Variants in FRMD4B observed in about 807,000 individuals in gnomAD.
FRMD4B encodes FERM domain-containing protein 4B.
In FRMD4B, 74 loss-of-function variants were observed where a neutral mutation model predicts 141.5. The observed-to-expected ratio is 0.52, with a 90% CI of 0.43 to 0.63. FRMD4B has a LOEUF of 0.63. Ranked by LOEUF, FRMD4B falls within the 30% of genes least tolerant of loss-of-function variation. FRMD4B has a pLI of 0.00. For missense variants in FRMD4B, 1,366 were observed against 1,253.4 expected, an observed-to-expected ratio of 1.09 and a Z score of -1.36; for synonymous variants, 506 against 467.9, an observed-to-expected ratio of 1.08 and a Z score of -1.05.
At chr3:69,443,915 T>C (rs149948160) in intron 1 of FRMD4B, among the ~76,000 whole-genome samples, 320 of 152,346 alleles carry the variant, frequency 2.1e-3, no homozygotes, top group African/African-American at 7.3e-3. Context: ...ACAAGATCTG[T>C]AACTTCCCCA....
intron 1 of FRMD4B, among the ~76,000 whole-genome samples, chr3:69,479,463 T>A (rs1390425323): frequency 6.6e-6 from 1 of 152,132 alleles, no homozygotes; most frequent in Non-Finnish European, 1.5e-5. Context: ...CCTTCACTTA[T>A]GAAGCTTAGT....
chr3:69,330,438 C>T (rs1030310629), intron 1 of FRMD4B, among the ~76,000 whole-genome samples: 4 of 144,512 alleles, frequency 2.8e-5, no homozygotes, highest in Admixed American at 2.2e-4. Context: ...CCTCTGCCTC[C>T]TGGGTTCAAG....
intron 1 of FRMD4B, among the ~76,000 whole-genome samples, chr3:69,341,455 T>C (rs1035971932): frequency 6.6e-6 from 1 of 152,220 alleles, no homozygotes; most frequent in African/African-American, 2.4e-5. Context: ...AAAGGTATGA[T>C]TCCTGCTCCC....
chr3:69,304,376 T>C lies in FRMD4B; in HGVS notation c.324-1941A>G, dbSNP rs368420206. Reference sequence around the variant, plus strand: ...GCGGGTGCCTCTAATCCCAGCTACTTGGGAGGCTGAGGCAGGAGAATCACT... The same window carrying C: ...GCGGGTGCCTCTAATCCCAGCTACTCGGGAGGCTGAGGCAGGAGAATCACT... On this transcript the variant is annotated intron_variant, in intron 3 of 22. Coordinates refer to ENST00000398540, the MANE Select transcript of FRMD4B (RefSeq NM_015123.3). Among the ~76,000 whole-genome samples, 20 of 148,702 alleles carry C rather than the reference T, an allele frequency of 1.3e-4. No homozygotes were observed. In the South Asian group the frequency reaches 4.0e-3, roughly 30 times the overall value.
At chr3:69,433,756 T>G (rs775138737) in intron 1 of FRMD4B, among the ~76,000 whole-genome samples, 1 of 152,218 alleles carries the variant, frequency 6.6e-6, no homozygotes, top group Non-Finnish European at 1.5e-5. Flanking sequence ...TAATTTTTAG[T>G]ACCCCTTTAG....
chr3:69,526,340 A>G (rs938827717), intron 1 of FRMD4B, among the ~76,000 whole-genome samples: 29 of 152,284 alleles, frequency 1.9e-4, no homozygotes, highest in Middle Eastern at 3.4e-3. Context: ...TTGATAACAC[A>G]CTTTTTCAGG....
chr3:69,251,264 C>T (rs183006976), intron 5 of FRMD4B, among the ~76,000 whole-genome samples: 3 of 152,260 alleles, frequency 2.0e-5, no homozygotes. Flanking sequence ...TTCTTTCTTC[C>T]TCCCTTCCAC....
At chr3:69,539,840 A>AGT (rs147346385) in intron 1 of FRMD4B, among the ~76,000 whole-genome samples, 68,436 of 150,780 alleles carry the variant, frequency 0.45, 15,628 homozygotes, top group African/African-American at 0.48. Flanking sequence ...GTGTTCAAAC[A>AGT]GTGTGTGTGT....
At chr3:69,535,321 C>T (rs1034855377) in intron 1 of FRMD4B, among the ~76,000 whole-genome samples, 1 of 152,220 alleles carries the variant, frequency 6.6e-6, no homozygotes, top group African/African-American at 2.4e-5. Context: ...ACCTCACAAC[C>T]AGTTTCCTTG....
In FRMD4B at chr3:69,345,069, G is replaced by C. The variant is rs145228194; in HGVS notation, c.163-31552C>G. Among the ~76,000 whole-genome samples the C allele has an allele frequency of 4.3e-3, 656 of 152,194 alleles. 5 individuals are homozygous for C. The highest frequency in any genetic ancestry group is 0.015 in the African/African-American group (618 of 41,560). ...CTCACCTGGGAAGCACAAGGGGTCA[G>C]GGAATTCCCTTTCCTAGCAAAGTGA... On this transcript the variant is annotated intron_variant, in intron 1 of 22. Coordinates refer to ENST00000398540, the MANE Select transcript of FRMD4B (RefSeq NM_015123.3).
chr3:69,340,859 C>T (rs970241861), intron 1 of FRMD4B, among the ~76,000 whole-genome samples: 2 of 152,126 alleles, frequency 1.3e-5, no homozygotes, highest in Non-Finnish European at 2.9e-5. Context: ...GGTACTTTGT[C>T]TTGCTAACCA....
At chr3:69,478,595 C>T (rs1235814057) in intron 1 of FRMD4B, among the ~76,000 whole-genome samples, 2 of 151,998 alleles carry the variant, frequency 1.3e-5, no homozygotes, top group African/African-American at 4.8e-5. Context: ...TCTGTTCTTT[C>T]ACATTTGCTG....
At chr3:69,500,408 G>A (rs1047456129) in intron 1 of FRMD4B, among the ~76,000 whole-genome samples, 2 of 152,180 alleles carry the variant, frequency 1.3e-5, no homozygotes, top group Admixed American at 1.3e-4. Context: ...ATTGCATTGA[G>A]TGGGTCATCC....
At chr3:69,367,048 T>G in intron 1 of FRMD4B, among the ~76,000 whole-genome samples, 1 of 152,146 alleles carries the variant, frequency 6.6e-6, no homozygotes, top group Non-Finnish European at 1.5e-5. Context: ...TTTACAGGTA[T>G]GAGCCACCGT....
upstream of FRMD4B, among the ~76,000 whole-genome samples, chr3:69,390,344 G>T (rs975461920): frequency 2.6e-5 from 4 of 152,146 alleles, no homozygotes; most frequent in Non-Finnish European, 5.9e-5. Context: ...TAGGGCTTGA[G>T]GTGAATGAAA....
chr3:69,244,927 G>T (rs756391382), intron 7 of FRMD4B, among the ~76,000 whole-genome samples: 1 of 151,866 alleles, frequency 6.6e-6, no homozygotes, highest in Non-Finnish European at 1.5e-5. Flanking sequence ...AGCTTTATGG[G>T]GAAAAAAAGC....
At chr3:69,241,694 T>C (rs543813468) in intron 7 of FRMD4B, among the ~76,000 whole-genome samples, 1 of 152,178 alleles carries the variant, frequency 6.6e-6, no homozygotes, top group African/African-American at 2.4e-5. Context: ...ATTCAGGCGC[T>C]TGAGACCAGT....
At chr3:69,186,514 C>CCAGGT (rs1371967679) in intron 19 of FRMD4B, among the ~76,000 whole-genome samples, 3 of 152,090 alleles carry the variant, frequency 2.0e-5, no homozygotes, top group Admixed American at 2.0e-4. Context: ...GAGTTCAAGA[C>CCAGGT]CAGCCTGGCC....
rs144459338 is a variant in FRMD4B at position 69,196,914 on chromosome 3, G to A, written c.1078C>T (p.Arg360Trp). The A allele has an allele frequency of 1.3e-4, 202 of 1,610,352 alleles. 1 individual carries two copies. The highest frequency in any genetic ancestry group is 1.2e-3 in the African/African-American group (92 of 74,904). Reference protein sequence around the residue: ...AISQHQFYLDRKQSKAKIPSA... With the variant: ...AISQHQFYLDWKQSKAKIPSA... ...CAGTTACTTACTTTGCTTTGCTTCC[G>A]GTCCAAGTAAAACTGATGCTGACTA... The change falls in exon 13 of 23, where the codon CGG becomes TGG. Residue 360 changes from arginine to tryptophan, a missense_variant. Arg to Trp is a moderately radical substitution (Grantham distance 101). Coordinates refer to ENST00000398540, the MANE Select transcript of FRMD4B (RefSeq NM_015123.3).
Sources: gnomAD v4.1 joint callset for allele counts (sites outside exome capture counted in the v4.1 genomes callset) on GRCh38, gnomAD v4.1.1 for gene constraint, MANE v1.5 for transcripts, NCBI Gene and HGNC (gene_info 2026-07-23, HGNC 2026-07-21) for gene names.